The following CRB1 variants were observed in gnomAD, a reference collection of about 807,000 sequenced individuals.
The protein encoded by CRB1 is crumbs cell polarity complex component 1, also known as protein crumbs homolog 1.
CRB1 carries 83 observed loss-of-function variants against 120.0 expected under a neutral mutation model. That is an observed-to-expected ratio of 0.69 (90% CI 0.58 to 0.83). CRB1 has a LOEUF of 0.83. Ranked by LOEUF, CRB1 falls within the 40% of genes least tolerant of loss-of-function variation. The probability of loss-of-function intolerance (pLI) is 0.00; values close to 1 mark genes in which losing one functional copy is unlikely to be tolerated. For missense variants in CRB1, 1,699 were observed against 1,687.6 expected, an observed-to-expected ratio of 1.01 and a Z score of -0.12; for synonymous variants, 625 against 612.5, an observed-to-expected ratio of 1.02 and a Z score of -0.30.
the CRB1 span, among the ~76,000 whole-genome samples, chr1:197,227,594 C>T: frequency 1.4e-4 from 22 of 152,224 alleles, no homozygotes; most frequent in African/African-American, 4.8e-4. Context: ...TAGCCCCCCT[C>T]CTGGCTGCTT....
chr1:197,237,426 G>A, the CRB1 span, among the ~76,000 whole-genome samples: 1 of 152,076 alleles, frequency 6.6e-6, no homozygotes, highest in African/African-American at 2.4e-5. Context: ...GGGCAAGGCG[G>A]CTCCCTTCAA....
rs538871718 is a variant in CRB1, at chr1:197,468,093, C to T, written c.4006-9571C>T. 6.6e-5 allele frequency among the ~76,000 whole-genome samples: 10 copies of T among 152,266 alleles called. No individual in the cohort carries two copies. In the East Asian group the frequency reaches 1.9e-3, roughly 29 times the overall value. On this transcript the variant is annotated intron_variant, in intron 11 of 11. Transcript: ENST00000367400. ...GCATGCAGGAAATATCCCAGAACCA[C>T]AGGCATGCTTTTTGTTCTCCTTAAA...
chr1:197,297,322 T>C (rs924516052), intron 1 of CRB1, among the ~76,000 whole-genome samples: 17 of 152,180 alleles, frequency 1.1e-4, no homozygotes, highest in African/African-American at 4.1e-4. Context: ...CTATTATACA[T>C]ATATTAGTTG....
intron 4 of CRB1, among the ~76,000 whole-genome samples, chr1:197,355,645 A>T (rs1660431480): frequency 6.6e-6 from 1 of 152,158 alleles, no homozygotes; most frequent in South Asian, 2.1e-4. Context: ...CCGGGTGCTA[A>T]GCCCCTCAAT....
In CRB1 at chr1:197,358,925, G is replaced by C. The variant is rs538755394; in HGVS notation, c.1171+1912G>C. 2.0e-5 allele frequency among the ~76,000 whole-genome samples: 3 copies of C among 152,240 alleles called. No homozygotes were observed. In the East Asian group the frequency reaches 5.8e-4, roughly 29 times the overall value. ...GATAACCAATTTGACACAATAGCTA[G>C]AACTGGTACACTGGGGATACGAACC... On this transcript the variant is annotated intron_variant, in intron 5 of 11. Coordinates refer to ENST00000367400, the MANE Select transcript of CRB1 (RefSeq NM_201253.3).
chr1:197,305,766 T>C (rs1657131879), intron 1 of CRB1, among the ~76,000 whole-genome samples: 1 of 151,936 alleles, frequency 6.6e-6, no homozygotes, highest in African/African-American at 2.4e-5. Context: ...CTTCAATCCT[T>C]GTGAATATTT....
intron 5 of CRB1, among the ~76,000 whole-genome samples, chr1:197,384,913 T>A (rs1662135706): frequency 6.6e-6 from 1 of 152,130 alleles, no homozygotes; most frequent in Admixed American, 6.6e-5. Context: ...TAGAAAAAAG[T>A]AAAACTAAAG....
chr1:197,466,626 A>G (rs1259333970), intron 11 of CRB1, among the ~76,000 whole-genome samples: 1 of 152,186 alleles, frequency 6.6e-6, no homozygotes, highest in East Asian at 1.9e-4. Flanking sequence ...ACACAAACCA[A>G]TAGACCTTCA....
chr1:197,385,922 G>GT (rs1359556500), intron 5 of CRB1, among the ~76,000 whole-genome samples: 19 of 152,072 alleles, frequency 1.2e-4, no homozygotes, highest in Non-Finnish European at 2.8e-4. Flanking sequence ...GCTTGAAATT[G>GT]TAATTGAGTT....
Position 197,434,780 on chromosome 1 carries a change from C to A in CRB1, c.2917C>A (p.Leu973Ile). The change falls in exon 9 of 12, where the codon CTC becomes ATC. Residue 973 changes from leucine to isoleucine, a missense_variant. Leu to Ile is a conservative substitution (Grantham distance 5, BLOSUM62 2). Transcript: ENST00000367400. Reference sequence around the variant, plus strand: ...AAGCAATGGGAATATTACCAGAGAACTCACCAATATCACATTTGGTTTCAG... The same window carrying A: ...AAGCAATGGGAATATTACCAGAGAAATCACCAATATCACATTTGGTTTCAG... ...FRSNGNITRELTNITFGFRTR... is the reference protein window; with the variant it reads ...FRSNGNITREITNITFGFRTR... 1.2e-6 allele frequency: 2 copies of A among 1,613,572 alleles called. No individual in the cohort carries two copies. The highest frequency in any genetic ancestry group is 1.1e-5 in the South Asian group (1 of 91,072).
At chr1:197,364,993 G>A (rs1040176427) in intron 5 of CRB1, among the ~76,000 whole-genome samples, 2 of 151,998 alleles carry the variant, frequency 1.3e-5, no homozygotes, top group African/African-American at 4.8e-5. Flanking sequence ...GAGACTCCAT[G>A]TCTTCTTTGA....
chr1:197,249,074 A>C, the CRB1 span, among the ~76,000 whole-genome samples: 3 of 151,936 alleles, frequency 2.0e-5, no homozygotes, highest in African/African-American at 7.2e-5. Flanking sequence ...TATTTTATGC[A>C]TATGTAAATA....
At chr1:197,450,784 C>CAAAAAAAAAA (rs71131758) in intron 11 of CRB1, among the ~76,000 whole-genome samples, 11 of 59,612 alleles carry the variant, frequency 1.8e-4, no homozygotes, top group Admixed American at 4.6e-4. Flanking sequence ...ACTAAAAATA[C>CAAAAAAAAAA]AAAAAAAAAA....
intron 1 of CRB1, among the ~76,000 whole-genome samples, chr1:197,301,332 A>C (rs1656849952): frequency 6.6e-6 from 1 of 151,916 alleles, no homozygotes; most frequent in African/African-American, 2.4e-5. Flanking sequence ...TACCCGGCTA[A>C]TTTTTGTATT....
intron 1 of CRB1, among the ~76,000 whole-genome samples, chr1:197,280,724 T>G (rs1571757691): frequency 6.6e-6 from 1 of 151,950 alleles, no homozygotes; most frequent in South Asian, 2.1e-4. Context: ...AATATAACTA[T>G]TTTTTAAAAG....
chr1:197,339,600 A>G (rs1057020874), intron 2 of CRB1, among the ~76,000 whole-genome samples: 2 of 152,188 alleles, frequency 1.3e-5, no homozygotes, highest in Admixed American at 1.3e-4. Context: ...GTTTATCAAC[A>G]CCTTGCTGCG....
chr1:197,322,809 T>A (rs1658280332), intron 1 of CRB1, among the ~76,000 whole-genome samples: 1 of 152,182 alleles, frequency 6.6e-6, no homozygotes, highest in Admixed American at 6.5e-5. Flanking sequence ...AAAATGCTGA[T>A]CTAGATAATG....
At chr1:197,235,621 G>C in the CRB1 span, among the ~76,000 whole-genome samples, 1 of 152,166 alleles carries the variant, frequency 6.6e-6, no homozygotes, top group South Asian at 2.1e-4. Context: ...CACCCACTGA[G>C]TGTAGCAGAG....
intron 11 of CRB1, among the ~76,000 whole-genome samples, chr1:197,463,134 C>CAAGAA (rs1666604327): frequency 6.6e-6 from 1 of 152,082 alleles, no homozygotes; most frequent in Non-Finnish European, 1.5e-5. Context: ...TGTTTTACTT[C>CAAGAA]TTGATAGACA....
Sources: gnomAD v4.1 joint callset for allele counts (sites outside exome capture counted in the v4.1 genomes callset) on GRCh38, gnomAD v4.1.1 for gene constraint, MANE v1.5 for transcripts, NCBI Gene and HGNC (gene_info 2026-07-23, HGNC 2026-07-21) for gene names.